The following ARHGAP15 variants were observed in gnomAD, a reference collection of about 807,000 sequenced individuals.
ARHGAP15 encodes the protein rho GTPase-activating protein 15.
A neutral mutation model predicts 63.7 loss-of-function variants in ARHGAP15; 51 were observed. The ratio of observed to expected loss-of-function variants is 0.80; its 90% confidence interval spans 0.64 to 1.01. The LOEUF is 1.01. ARHGAP15 is among the 50% of genes least tolerant of loss of function. ARHGAP15 has a pLI of 0.00. For synonymous variants in ARHGAP15, 191 were observed against 193.8 expected (o/e 0.99, Z 0.12); for missense variants, 560 against 564.6 (o/e 0.99, Z 0.08).
At chr2:143,267,846 G>A (rs1409919054) in intron 6 of ARHGAP15, among the ~76,000 whole-genome samples, 1 of 152,022 alleles carries the variant, frequency 6.6e-6, no homozygotes, top group Non-Finnish European at 1.5e-5. Context: ...CAAATATTTA[G>A]CACAAAAAAT....
At chr2:143,245,823 C>T (rs975136176) in intron 5 of ARHGAP15, among the ~76,000 whole-genome samples, 3 of 152,110 alleles carry the variant, frequency 2.0e-5, no homozygotes, top group African/African-American at 7.2e-5. Flanking sequence ...CAAAGCAGGA[C>T]ATGCCTTGTG....
intron 12 of ARHGAP15, among the ~76,000 whole-genome samples, chr2:143,670,491 A>G (rs1303225831): frequency 1.3e-5 from 2 of 152,128 alleles, no homozygotes; most frequent in South Asian, 2.1e-4. Flanking sequence ...ACCCGTGCCA[A>G]TTCTTCACAG....
intron 1 of ARHGAP15, among the ~76,000 whole-genome samples, chr2:143,142,964 AT>A (rs1689430925): frequency 6.6e-6 from 1 of 152,164 alleles, no homozygotes; most frequent in Non-Finnish European, 1.5e-5. Flanking sequence ...TACTCTAAAT[AT>A]TTATGCATTT....
chr2:143,296,422 A>G (rs887432645), intron 6 of ARHGAP15, among the ~76,000 whole-genome samples: 3 of 152,074 alleles, frequency 2.0e-5, no homozygotes, highest in Non-Finnish European at 2.9e-5. Flanking sequence ...AAGGTGAATG[A>G]GAATTTAGAA....
chr2:143,366,587 G>A (rs572441820), intron 6 of ARHGAP15, among the ~76,000 whole-genome samples: 2 of 152,022 alleles, frequency 1.3e-5, no homozygotes, highest in Admixed American at 6.5e-5. Flanking sequence ...TTTTGGTATC[G>A]ACTTTTTGTG....
intron 12 of ARHGAP15, among the ~76,000 whole-genome samples, chr2:143,701,769 C>G (rs1272321797): frequency 6.6e-6 from 1 of 151,792 alleles, no homozygotes; most frequent in Non-Finnish European, 1.5e-5. Context: ...CAGTGCAGGA[C>G]TAGTATGACT....
rs1207206934 is a variant in ARHGAP15, at chr2:143,471,110, TAC to T, written c.704-16257_704-16256del. On this transcript the variant is annotated intron_variant, in intron 8 of 13. Transcript: ENST00000295095. ...TGTATATGATACACATGTGTATATA[TAC>T]ACACATATACACATACATGTATACA... Among the ~76,000 whole-genome samples, 6 of 148,518 alleles carry T rather than the reference TAC, an allele frequency of 4.0e-5. No homozygotes were observed. In the East Asian group the frequency reaches 6.0e-4, roughly 15 times the overall value.
At chr2:143,223,936 T>C (rs1693101604) in intron 4 of ARHGAP15, among the ~76,000 whole-genome samples, 1 of 152,230 alleles carries the variant, frequency 6.6e-6, no homozygotes, top group Non-Finnish European at 1.5e-5. Flanking sequence ...AGACTTGGTT[T>C]CCATGTTTAT....
intron 6 of ARHGAP15, among the ~76,000 whole-genome samples, chr2:143,315,456 C>A (rs966359109): frequency 6.6e-6 from 1 of 151,990 alleles, no homozygotes; most frequent in Non-Finnish European, 1.5e-5. Context: ...GGCTCCCAAG[C>A]ACAGCTAAAC....
chr2:143,461,053 G>A (rs904207718), intron 8 of ARHGAP15, among the ~76,000 whole-genome samples: 1 of 152,038 alleles, frequency 6.6e-6, no homozygotes, highest in African/African-American at 2.4e-5. Flanking sequence ...ACTTTGAGAG[G>A]CCAAAGCAGA....
At chr2:143,471,211 TATATACACACAC>T (rs1691549340) in intron 8 of ARHGAP15, among the ~76,000 whole-genome samples, 3 of 147,512 alleles carry the variant, frequency 2.0e-5, no homozygotes, top group Non-Finnish European at 3.0e-5. Context: ...TATGTGTGTA[TATATACACACAC>T]ATGTGTATGT....
At chr2:143,721,496 G>C (rs1006649066) in intron 13 of ARHGAP15, among the ~76,000 whole-genome samples, 2 of 152,166 alleles carry the variant, frequency 1.3e-5, no homozygotes, top group African/African-American at 4.8e-5. Flanking sequence ...CTGTGGCAGG[G>C]GGATATCAGC....
chr2:143,265,574 G>T (rs1680947935), intron 6 of ARHGAP15, among the ~76,000 whole-genome samples: 1 of 152,060 alleles, frequency 6.6e-6, no homozygotes, highest in South Asian at 2.1e-4. Context: ...TATGAAGTCT[G>T]TTTGCATTTG....
intron 1 of ARHGAP15, among the ~76,000 whole-genome samples, chr2:143,135,951 A>G (rs867317577): frequency 2.0e-5 from 3 of 152,320 alleles, no homozygotes; most frequent in Middle Eastern, 3.4e-3. Context: ...CAGTAAAACT[A>G]TAAATCCAAT....
At chr2:143,682,011 G>A (rs1683121024) in intron 12 of ARHGAP15, among the ~76,000 whole-genome samples, 1 of 152,120 alleles carries the variant, frequency 6.6e-6, no homozygotes, top group African/African-American at 2.4e-5. Context: ...CCATGTGATA[G>A]GTATCTTCAG....
chr2:143,399,654 A>C (rs1687915179), intron 6 of ARHGAP15, among the ~76,000 whole-genome samples: 1 of 151,918 alleles, frequency 6.6e-6, no homozygotes, highest in African/African-American at 2.4e-5. Flanking sequence ...TACAGCTGGG[A>C]AAAAAGCCTC....
rs796248231 is a variant in ARHGAP15 at position 143,346,224 on chromosome 2, ACACACTCTCTCT to A, written c.475-89371_475-89360del. 1.3e-3 allele frequency among the ~76,000 whole-genome samples: 171 copies of A among 130,742 alleles called. 2 individuals are homozygous for A. Among genetic ancestry groups the A allele is most frequent in the South Asian group, 5.2e-3 (21 of 4,050 alleles). 85.8% of individuals were successfully genotyped at this position (130,742 alleles called of 152,430 possible). A position where few individuals can be genotyped will look rare whatever the true frequency, so the allele number is the denominator to read the frequency against. Reference sequence around the variant, plus strand: ...CTCTCACACACACACTCTCTCTCACACACACTCTCTCTCACACACACACACTCACACACACAC... The same window carrying A: ...CTCTCACACACACACTCTCTCTCACACACACACACACACTCACACACACAC... On this transcript the variant is annotated intron_variant, in intron 6 of 13. Transcript: ENST00000295095.
chr2:143,386,982 A>G (rs1272642505), intron 6 of ARHGAP15, among the ~76,000 whole-genome samples: 1 of 152,092 alleles, frequency 6.6e-6, no homozygotes, highest in South Asian at 2.1e-4. Flanking sequence ...AAGAGAAACA[A>G]CAGACACTGA....
chr2:143,280,414 T>A lies in ARHGAP15; in HGVS notation c.474+29814T>A, dbSNP rs1034912593. Reference sequence around the variant, plus strand: ...AGGGTCAGGTCATTTCTAGGTCTATTTATCACATGAAGAAACAATAAAGAG... The same window carrying A: ...AGGGTCAGGTCATTTCTAGGTCTATATATCACATGAAGAAACAATAAAGAG... On this transcript the variant is annotated intron_variant, in intron 6 of 13. Coordinates refer to ENST00000295095, the MANE Select transcript of ARHGAP15 (RefSeq NM_018460.4). Among the ~76,000 whole-genome samples, 7 of 152,066 alleles carry A rather than the reference T, an allele frequency of 4.6e-5. No individual in the cohort carries two copies. In the South Asian group the frequency reaches 1.5e-3, roughly 32 times the overall value.
Sources: gnomAD v4.1 joint callset for allele counts (sites outside exome capture counted in the v4.1 genomes callset) on GRCh38, gnomAD v4.1.1 for gene constraint, MANE v1.5 for transcripts, NCBI Gene and HGNC (gene_info 2026-07-23, HGNC 2026-07-21) for gene names.